The following CDH13 variants were observed in gnomAD, a reference collection of about 807,000 sequenced individuals.
CDH13 encodes the protein cadherin-13.
A neutral mutation model predicts 63.8 loss-of-function variants in CDH13; 24 were observed. That is an observed-to-expected ratio of 0.38 (90% CI 0.27 to 0.53). CDH13 has a LOEUF of 0.53. Among genes scored for constraint, CDH13 ranks in the 20% least tolerant of loss-of-function variants. The pLI, the probability that CDH13 is intolerant of heterozygous loss-of-function variation, is 0.85. For missense variants in CDH13, 1,049 were observed against 903.1 expected, an observed-to-expected ratio of 1.16 and a Z score of -2.07; for synonymous variants, 503 against 355.3, an observed-to-expected ratio of 1.42 and a Z score of -4.67.
At chr16:83,294,735 C>A (rs1197126981) in intron 5 of CDH13, among the ~76,000 whole-genome samples, 3 of 151,622 alleles carry the variant, frequency 2.0e-5, no homozygotes, top group Non-Finnish European at 4.4e-5. Context: ...TTGAAGAAAA[C>A]AAAAATAAAT....
chr16:83,501,768 C>G (rs897519747), intron 7 of CDH13, among the ~76,000 whole-genome samples: 2 of 152,128 alleles, frequency 1.3e-5, no homozygotes, highest in African/African-American at 4.8e-5. Context: ...AAGAAAAGCA[C>G]GGGACATATT....
intron 3 of CDH13, among the ~76,000 whole-genome samples, chr16:83,073,367 G>A (rs113257287): frequency 1.1e-3 from 159 of 140,014 alleles, no homozygotes; most frequent in African/African-American, 3.9e-3. Flanking sequence ...GAGAGAGAGA[G>A]AGAGAGAGAG....
intron 5 of CDH13, among the ~76,000 whole-genome samples, chr16:83,236,197 T>C (rs2040136877): frequency 6.7e-6 from 1 of 150,154 alleles, no homozygotes; most frequent in Admixed American, 6.7e-5. Context: ...TCTGAAAACA[T>C]AAGAACTGAG....
intron 2 of CDH13, among the ~76,000 whole-genome samples, chr16:82,947,400 T>A (rs552868868): frequency 2.0e-5 from 3 of 152,262 alleles, no homozygotes; most frequent in Admixed American, 1.3e-4. Flanking sequence ...AACTGGATAT[T>A]TTGGATAATA....
intron 4 of CDH13, among the ~76,000 whole-genome samples, chr16:83,204,673 G>T (rs753659801): frequency 2.6e-5 from 4 of 152,172 alleles, no homozygotes; most frequent in Non-Finnish European, 5.9e-5. Context: ...TACTGTGTGT[G>T]TTAATCAGGA....
chr16:83,595,723 A>G (rs1567793164), intron 7 of CDH13, among the ~76,000 whole-genome samples: 1 of 152,220 alleles, frequency 6.6e-6, no homozygotes. Context: ...GCAATCAGCC[A>G]CACAAGTCCA....
At position 83,447,913 on chromosome 16, in the gene CDH13, C is replaced by T. The variant is rs1362595665; in HGVS notation, c.782-38564C>T. Among the ~76,000 whole-genome samples the T allele has an allele frequency of 4.6e-5, 7 of 152,086 alleles. No individual in the cohort carries two copies. In the East Asian group the frequency reaches 7.7e-4, roughly 17 times the overall value. On this transcript the variant is annotated intron_variant, in intron 6 of 13. Coordinates refer to ENST00000567109, the MANE Select transcript of CDH13 (RefSeq NM_001257.5). Reference sequence around the variant, plus strand: ...TTGATGTGATTCACTCTGTGGTCTGCAGAAGTTGCCCCACCTCTCTGGTCC... The same window carrying T: ...TTGATGTGATTCACTCTGTGGTCTGTAGAAGTTGCCCCACCTCTCTGGTCC...
At chr16:82,796,949 A>G (rs2151150831) in intron 1 of CDH13, among the ~76,000 whole-genome samples, 1 of 152,312 alleles carries the variant, frequency 6.6e-6, no homozygotes, top group African/African-American at 2.4e-5. Context: ...TGCTCCTTAC[A>G]ACTAGACTGA....
intron 1 of CDH13, among the ~76,000 whole-genome samples, chr16:82,706,504 A>T (rs2031501808): frequency 6.6e-6 from 1 of 152,072 alleles, no homozygotes; most frequent in Non-Finnish European, 1.5e-5. Context: ...TTTTTCTGCA[A>T]AGTGCTGGTA....
At chr16:83,378,853 G>C (rs909278619) in intron 6 of CDH13, among the ~76,000 whole-genome samples, 4 of 152,156 alleles carry the variant, frequency 2.6e-5, no homozygotes, top group African/African-American at 9.7e-5. Flanking sequence ...ATAGGATTCA[G>C]CTAGTGTTCT....
intron 3 of CDH13, among the ~76,000 whole-genome samples, chr16:83,103,418 A>C (rs949178064): frequency 7.3e-6 from 1 of 137,796 alleles, no homozygotes; most frequent in Non-Finnish European, 1.6e-5. Context: ...GCTGATTTTT[A>C]TATTTTTAGT....
intron 6 of CDH13, among the ~76,000 whole-genome samples, chr16:83,474,642 C>A (rs947402209): frequency 2.0e-5 from 3 of 152,136 alleles, no homozygotes; most frequent in African/African-American, 7.2e-5. Context: ...GAGGATGTAG[C>A]TTAGAATTCA....
rs373982699 is a variant in CDH13 at position 83,593,461 on chromosome 16, T to C, written c.961-8993T>C. Among the ~76,000 whole-genome samples, 8 of 152,198 alleles carry C rather than the reference T, an allele frequency of 5.3e-5. No homozygotes were observed. In the East Asian group the frequency reaches 1.4e-3, roughly 26 times the overall value. On this transcript the variant is annotated intron_variant, in intron 7 of 13. Coordinates refer to ENST00000567109, the MANE Select transcript of CDH13 (RefSeq NM_001257.5). ...ATCATCTGGGTAGCTTGAAATCAGC[T>C]ATGGTAGGAGTAGTTAAACCACCAA...
At chr16:83,122,393 C>T (rs2035621996) in intron 3 of CDH13, among the ~76,000 whole-genome samples, 1 of 152,150 alleles carries the variant, frequency 6.6e-6, no homozygotes, top group Non-Finnish European at 1.5e-5. Context: ...TAAAATGATA[C>T]AAAGTTTTCA....
intron 1 of CDH13, chr16:82,825,350 G>C (rs2038192763): frequency 6.6e-6 from 1 of 152,004 alleles, no homozygotes; most frequent in Admixed American, 6.6e-5. Flanking sequence ...AAAATACCAG[G>C]AGTCTGCTTT....
chr16:83,142,694 C>T (rs542160858), intron 4 of CDH13, among the ~76,000 whole-genome samples: 7 of 152,110 alleles, frequency 4.6e-5, no homozygotes, highest in Admixed American at 4.6e-4. Flanking sequence ...TCTTATTTAC[C>T]CTTTTATCTT....
intron 4 of CDH13, among the ~76,000 whole-genome samples, chr16:83,167,786 A>G (rs142023778): frequency 6.6e-6 from 1 of 152,122 alleles, no homozygotes; most frequent in African/African-American, 2.4e-5. Flanking sequence ...TAGCAAAGGC[A>G]TAGAATCAAC....
At chr16:83,413,588 A>G (rs2092158169) in intron 6 of CDH13, among the ~76,000 whole-genome samples, 1 of 152,194 alleles carries the variant, frequency 6.6e-6, no homozygotes, top group African/African-American at 2.4e-5. Context: ...ATTAAAATAT[A>G]TGAAACTTAA....
At chr16:83,361,403 G>A (rs556839166) in intron 6 of CDH13, among the ~76,000 whole-genome samples, 1 of 152,236 alleles carries the variant, frequency 6.6e-6, no homozygotes, top group Non-Finnish European at 1.5e-5. Context: ...TCTGTTGATA[G>A]TTTCCTTTGC....
Sources: gnomAD v4.1 joint callset for allele counts (sites outside exome capture counted in the v4.1 genomes callset) on GRCh38, gnomAD v4.1.1 for gene constraint, MANE v1.5 for transcripts, NCBI Gene and HGNC (gene_info 2026-07-23, HGNC 2026-07-21) for gene names.